Variants in VAV3 observed in about 807,000 individuals in gnomAD.
VAV3 encodes the protein vav guanine nucleotide exchange factor 3.
Under a neutral mutation model 131.2 loss-of-function variants are expected in VAV3, and 94 were observed. That is an observed-to-expected ratio of 0.72 (90% confidence interval 0.61 to 0.85). The LOEUF (loss-of-function observed/expected upper bound fraction) is 0.85. Ranked by LOEUF, VAV3 falls within the 40% of genes least tolerant of loss-of-function variation. The pLI, the probability that VAV3 is intolerant of heterozygous loss-of-function variation, is 0.00. For missense variants in VAV3, 939 were observed against 1,002.7 expected (o/e 0.94, Z 0.86); for synonymous variants, 349 against 342.0 (o/e 1.02, Z -0.22).
chr1:107,846,569 A>C (rs1184218306), intron 2 of VAV3, among the ~76,000 whole-genome samples: 1 of 152,248 alleles, frequency 6.6e-6, no homozygotes, highest in East Asian at 1.9e-4. Context: ...GGATGGAGGA[A>C]TATTTACCAA....
intron 1 of VAV3, among the ~76,000 whole-genome samples, chr1:107,954,927 G>A (rs1225838986): frequency 6.6e-6 from 1 of 152,188 alleles, no homozygotes; most frequent in Admixed American, 6.5e-5. Flanking sequence ...CTTAGCTTCA[G>A]AGAGTATCCA....
intron 24 of VAV3, among the ~76,000 whole-genome samples, chr1:107,600,501 T>C (rs1171312123): frequency 6.6e-6 from 1 of 152,194 alleles, no homozygotes; most frequent in East Asian, 1.9e-4. Flanking sequence ...TATGCACGTG[T>C]CTCTAATAGT....
chr1:107,717,466 T>A (rs1661179387), intron 15 of VAV3, among the ~76,000 whole-genome samples: 1 of 152,244 alleles, frequency 6.6e-6, no homozygotes, highest in African/African-American at 2.4e-5. Context: ...TCAAAGAACA[T>A]CTTTATTTCT....
At chr1:107,740,849 A>T (rs1662978360) in intron 15 of VAV3, among the ~76,000 whole-genome samples, 1 of 152,226 alleles carries the variant, frequency 6.6e-6, no homozygotes, top group Non-Finnish European at 1.5e-5. Context: ...CTATGACAGA[A>T]TTGAGTAGCT....
At position 107,965,174 on chromosome 1, in the gene VAV3, C is replaced by G. The variant is rs1462287490; in HGVS notation, c.-305G>C. ...AGGCTTCCGACTCCAGCGCCCGGCCCGCCACTGAGCATGCCCAGCACGCCG... is the reference window on the plus strand; with the variant it reads ...AGGCTTCCGACTCCAGCGCCCGGCCGGCCACTGAGCATGCCCAGCACGCCG... On this transcript the variant is annotated 5_prime_UTR_variant, in exon 1 of 27. Transcript: ENST00000370056. 1 of 150,182 alleles carries G rather than the reference C, an allele frequency of 6.7e-6. No individual in the cohort carries two copies. The highest frequency in any genetic ancestry group is 1.9e-4 in the East Asian group (1 of 5,132). The allele number at this position is 150,182 out of a possible 1,614,324, so 9.3% of individuals were successfully genotyped here.
At position 107,573,044 on chromosome 1, in the gene VAV3, G is replaced by A. The variant is rs1048831852; in HGVS notation, c.*287C>T. ...AGTAAAGGGAAGCACGAACCAATGTGTTTGCAGGGCTCTTCTGGGAAGAAC... is the reference window on the plus strand; with the variant it reads ...AGTAAAGGGAAGCACGAACCAATGTATTTGCAGGGCTCTTCTGGGAAGAAC... On this transcript the variant is annotated 3_prime_UTR_variant, in exon 27 of 27. Transcript: ENST00000370056. The A allele has an allele frequency of 4.9e-6, 2 of 406,510 alleles. No individual in the cohort carries two copies. The highest frequency in any genetic ancestry group is 4.1e-5 in the African/African-American group (2 of 48,606). The allele number at this position is 406,510 out of a possible 1,614,324, so 25.2% of individuals were successfully genotyped here.
At chr1:107,573,444 G>C (rs1649391375) in intron 26 of VAV3, 72 bp from the exon 27 acceptor site, 1 of 1,584,668 alleles carries the variant, frequency 6.3e-7, no homozygotes, top group Non-Finnish European at 8.6e-7. Context: ...TACAAACAGA[G>C]TATTTTGTTT....
intron 8 of VAV3, among the ~76,000 whole-genome samples, 169 bp from the exon 9 acceptor site, chr1:107,765,344 C>T (rs1176574066): frequency 1.3e-5 from 2 of 152,192 alleles, no homozygotes; most frequent in Non-Finnish European, 2.9e-5. Flanking sequence ...ATAAGGGTCA[C>T]TCATTTTTAT....
At chr1:107,936,954 C>T (rs1029355027) in intron 1 of VAV3, among the ~76,000 whole-genome samples, 6 of 152,136 alleles carry the variant, frequency 3.9e-5, no homozygotes, top group Non-Finnish European at 5.9e-5. Flanking sequence ...ACTTACTTCT[C>T]AATGCTGCCG....
intron 17 of VAV3, among the ~76,000 whole-genome samples, chr1:107,702,701 G>A (rs181946166): frequency 5.0e-4 from 76 of 150,922 alleles, no homozygotes; most frequent in African/African-American, 1.7e-3. Context: ...CCATACTTGC[G>A]TATTATTTTA....
chr1:107,922,951 CAAAAAAAAAAAAGAA>C (rs1401383066), intron 1 of VAV3, among the ~76,000 whole-genome samples: 3 of 75,420 alleles, frequency 4.0e-5, no homozygotes, highest in Admixed American at 1.5e-4. Context: ...GACTCCGTCT[CAAAAAAAAAAAAGAA>C]AAAAAAAAAA....
chr1:107,716,750 C>G (rs1034542791), intron 15 of VAV3, among the ~76,000 whole-genome samples: 3 of 152,150 alleles, frequency 2.0e-5, no homozygotes, highest in African/African-American at 4.8e-5. Flanking sequence ...ATGCTGGCCT[C>G]ATAAAATGAG....
At chr1:107,800,114 C>T (rs1666755809) in intron 2 of VAV3, among the ~76,000 whole-genome samples, 1 of 152,102 alleles carries the variant, frequency 6.6e-6, no homozygotes, top group African/African-American at 2.4e-5. Flanking sequence ...AGGTCGATTC[C>T]ATATTTTGGT....
chr1:107,874,840 G>C, intron 2 of VAV3, 61 bp downstream of exon 2: 1 of 1,447,872 alleles, frequency 6.9e-7, no homozygotes, highest in Non-Finnish European at 9.7e-7. Flanking sequence ...TTCAAGATTT[G>C]AAACAATTTG....
At chr1:107,627,021 G>T (rs1654071493) in intron 20 of VAV3, among the ~76,000 whole-genome samples, 1 of 152,280 alleles carries the variant, frequency 6.6e-6, no homozygotes, top group African/African-American at 2.4e-5. Flanking sequence ...TAGGGCAAAG[G>T]AAAAGAATCC....
chr1:107,931,294 C>T (rs577290828), intron 1 of VAV3, among the ~76,000 whole-genome samples: 1 of 152,084 alleles, frequency 6.6e-6, no homozygotes, highest in South Asian at 2.1e-4. Flanking sequence ...CGTGTAAGGA[C>T]AAAAACAGCA....
intron 25 of VAV3, among the ~76,000 whole-genome samples, chr1:107,575,620 C>T (rs1206994141): frequency 6.6e-6 from 1 of 152,114 alleles, no homozygotes; most frequent in Non-Finnish European, 1.5e-5. Context: ...AGAGTCGGTG[C>T]ACATAAAAAC....
At chr1:107,739,508 C>T (rs780162453) in intron 15 of VAV3, among the ~76,000 whole-genome samples, 5 of 152,144 alleles carry the variant, frequency 3.3e-5, no homozygotes, top group Non-Finnish European at 7.3e-5. Context: ...TAGGTCAGCA[C>T]CATGAGACTC....
chr1:107,877,306 T>C (rs549899856), intron 1 of VAV3, among the ~76,000 whole-genome samples: 5 of 152,326 alleles, frequency 3.3e-5, no homozygotes, highest in Admixed American at 2.6e-4. Context: ...TTGGGGATTA[T>C]GCAACTGCTC....
Sources: gnomAD v4.1 joint callset for allele counts (sites outside exome capture counted in the v4.1 genomes callset) on GRCh38, gnomAD v4.1.1 for gene constraint, MANE v1.5 for transcripts, NCBI Gene and HGNC (gene_info 2026-07-23, HGNC 2026-07-21) for gene names.